ASCC1: variants seen among roughly 807,000 people sequenced by gnomAD.
The protein encoded by ASCC1 is activating signal cointegrator 1 complex subunit 1.
Under a neutral mutation model 46.6 loss-of-function variants are expected in ASCC1, and 35 were observed. The observed-to-expected ratio is 0.75, with a 90% confidence interval of 0.57 to 0.99. The LOEUF is 0.99. ASCC1 is among the 50% of genes least tolerant of loss of function. The pLI, the probability that ASCC1 is intolerant of heterozygous loss-of-function variation, is 0.00. For synonymous variants in ASCC1, 143 were observed against 146.6 expected, an observed-to-expected ratio of 0.98 and a Z score of 0.18; for missense variants, 376 against 428.7, an observed-to-expected ratio of 0.88 and a Z score of 1.09.
chr10:72,133,611 C>T (rs964649274), intron 7 of ASCC1: 4 of 274,436 alleles, frequency 1.5e-5, no homozygotes, highest in African/African-American at 8.9e-5. Context: ...CAATTATTTA[C>T]AATACAGTTA....
At chr10:72,111,878 G>A (rs1248123345) in intron 9 of ASCC1, among the ~76,000 whole-genome samples, 4 of 152,092 alleles carry the variant, frequency 2.6e-5, no homozygotes, top group Admixed American at 6.5e-5. Context: ...TCCTGACCTC[G>A]TGATCCTCCC....
At chr10:72,120,382 G>A (rs1243918742) in intron 9 of ASCC1, among the ~76,000 whole-genome samples, 1 of 151,808 alleles carries the variant, frequency 6.6e-6, no homozygotes, top group Admixed American at 6.6e-5. Context: ...GAAAAGCAGA[G>A]AACAAAGACT....
intron 9 of ASCC1, among the ~76,000 whole-genome samples, chr10:72,113,263 G>A (rs1378484449): frequency 1.3e-5 from 2 of 151,974 alleles, no homozygotes; most frequent in East Asian, 1.9e-4. Context: ...GTGCTGGCTG[G>A]GCCCTTTCAA....
At chr10:72,121,518 A>T (rs1485415104) in intron 9 of ASCC1, among the ~76,000 whole-genome samples, 1 of 131,054 alleles carries the variant, frequency 7.6e-6, no homozygotes, top group Admixed American at 7.1e-5. Context: ...ATGGGTTCTT[A>T]AAAAAAAAAA....
chr10:72,187,645 G>A lies in ASCC1; in HGVS notation c.489+9166C>T, dbSNP rs530359789. Reference sequence around the variant, plus strand: ...TGAGACAGGAGAATGGCGAGAACCCGGGAGACGGAGCTTGCAGTGAGCCGA... The same window carrying A: ...TGAGACAGGAGAATGGCGAGAACCCAGGAGACGGAGCTTGCAGTGAGCCGA... On this transcript the variant is annotated intron_variant, in intron 5 of 9. Coordinates refer to ENST00000672957, the MANE Select transcript of ASCC1 (RefSeq NM_001198800.3). Among the ~76,000 whole-genome samples, 10 of 149,772 alleles carry A rather than the reference G, an allele frequency of 6.7e-5. No individual in the cohort carries two copies. The South Asian group carries it at 8.4e-4, about 13-fold the overall frequency.
intron 8 of ASCC1, among the ~76,000 whole-genome samples, chr10:72,132,463 T>C (rs1437286989): frequency 2.4e-4 from 37 of 152,214 alleles, no homozygotes; most frequent in Admixed American, 2.1e-3. Context: ...AAAAAAACTA[T>C]TATTTTAACA....
intron 9 of ASCC1, among the ~76,000 whole-genome samples, chr10:72,108,113 G>C (rs1181590111): frequency 1.6e-5 from 2 of 126,516 alleles, no homozygotes; most frequent in Non-Finnish European, 3.2e-5. Context: ...GTCTTACTCT[G>C]TCAGCCAGGC....
intron 5 of ASCC1, among the ~76,000 whole-genome samples, chr10:72,196,089 G>A (rs1855377023): frequency 6.6e-6 from 1 of 151,762 alleles, no homozygotes; most frequent in Admixed American, 6.6e-5. Context: ...CTATTATCCT[G>A]GTCACAAGCA....
At chr10:72,122,496 C>G (rs1844329319) in intron 9 of ASCC1, among the ~76,000 whole-genome samples, 1 of 151,472 alleles carries the variant, frequency 6.6e-6, no homozygotes, top group South Asian at 2.1e-4. Flanking sequence ...GCTACCACAC[C>G]CTTAGCTGGG....
At chr10:72,130,038 C>T (rs1246913673) in intron 8 of ASCC1, among the ~76,000 whole-genome samples, 1 of 145,848 alleles carries the variant, frequency 6.9e-6, no homozygotes, top group Admixed American at 6.9e-5. Flanking sequence ...GAATAAAGTA[C>T]TGATGTGTTA....
chr10:72,136,894 C>T (rs1037160460), intron 7 of ASCC1, among the ~76,000 whole-genome samples: 3 of 151,792 alleles, frequency 2.0e-5, no homozygotes, highest in South Asian at 2.1e-4. Context: ...AGCAAGACCA[C>T]GAACCCACCG....
intron 6 of ASCC1, among the ~76,000 whole-genome samples, 164 bp from the exon 7 acceptor site, chr10:72,153,152 A>G (rs1219550434): frequency 1.3e-5 from 2 of 152,204 alleles, no homozygotes; most frequent in African/African-American, 2.4e-5. Flanking sequence ...TGCCCTTCTA[A>G]TTTCAAAATT....
chr10:72,148,609 A>G (rs1329184740), intron 7 of ASCC1, among the ~76,000 whole-genome samples: 1 of 152,234 alleles, frequency 6.6e-6, no homozygotes, highest in African/African-American at 2.4e-5. Context: ...ACAGCTTCCC[A>G]ATGCTTAAAA....
At chr10:72,174,388 T>C (rs1851612171) in intron 5 of ASCC1, among the ~76,000 whole-genome samples, 1 of 152,200 alleles carries the variant, frequency 6.6e-6, no homozygotes, top group African/African-American at 2.4e-5. Context: ...AAAAGGGCAG[T>C]AGACAGCAGT....
chr10:72,173,182 G>A (rs1851453172), intron 5 of ASCC1, among the ~76,000 whole-genome samples: 1 of 151,442 alleles, frequency 6.6e-6, no homozygotes, highest in East Asian at 1.9e-4. Flanking sequence ...AAACATAAGG[G>A]GAAAATGGCC....
intron 3 of ASCC1, among the ~76,000 whole-genome samples, chr10:72,207,940 T>C (rs1857448151): frequency 6.6e-6 from 1 of 152,030 alleles, no homozygotes; most frequent in Non-Finnish European, 1.5e-5. Context: ...ACCTACCAAG[T>C]AGCTGAGACT....
chr10:72,172,745 T>C (rs1315922843), intron 5 of ASCC1, among the ~76,000 whole-genome samples: 2 of 130,698 alleles, frequency 1.5e-5, no homozygotes, highest in Non-Finnish European at 3.2e-5. Context: ...ATATTACATA[T>C]ATTATATATT....
At chr10:72,104,764 A>C (rs1450633252) in intron 9 of ASCC1, among the ~76,000 whole-genome samples, 1 of 152,188 alleles carries the variant, frequency 6.6e-6, no homozygotes, top group Non-Finnish European at 1.5e-5. Flanking sequence ...ACAGTACACA[A>C]AACTACAAAT....
At chr10:72,181,349 G>A (rs1852590306) in intron 5 of ASCC1, among the ~76,000 whole-genome samples, 1 of 152,106 alleles carries the variant, frequency 6.6e-6, no homozygotes, top group South Asian at 2.1e-4. Flanking sequence ...GACTGAAGAG[G>A]CTGAAGACTT....
Sources: gnomAD v4.1 joint callset for allele counts (sites outside exome capture counted in the v4.1 genomes callset) on GRCh38, gnomAD v4.1.1 for gene constraint, MANE v1.5 for transcripts, NCBI Gene and HGNC (gene_info 2026-07-23, HGNC 2026-07-21) for gene names.